DNAH8: variants seen among roughly 807,000 people sequenced by gnomAD.
DNAH8 encodes the protein dynein axonemal heavy chain 8, also known as axonemal beta dynein heavy chain 8.
A neutral mutation model predicts 562.1 loss-of-function variants in DNAH8; 382 were observed. The ratio of observed to expected loss-of-function variants is 0.68; its 90% CI spans 0.63 to 0.74. The LOEUF is 0.74. Ranked by LOEUF, DNAH8 falls within the 30% of genes least tolerant of loss-of-function variation. DNAH8 has a pLI of 0.00. For missense variants in DNAH8, 5,203 were observed against 5,620.4 expected, an observed-to-expected ratio of 0.93 and a Z score of 2.37; for synonymous variants, 1,881 against 1,919.4, an observed-to-expected ratio of 0.98 and a Z score of 0.52.
intron 88 of DNAH8, among the ~76,000 whole-genome samples, chr6:38,999,324 G>T (rs548174940): frequency 2.6e-5 from 4 of 152,050 alleles, no homozygotes; most frequent in African/African-American, 9.6e-5. Context: ...CTAGCCCCTG[G>T]TGCTGAGCAC....
chr6:38,716,209 C>T (rs1762332800), intron 1 of DNAH8, among the ~76,000 whole-genome samples: 2 of 151,406 alleles, frequency 1.3e-5, no homozygotes, highest in South Asian at 2.1e-4. Flanking sequence ...GATCCGCCCA[C>T]CTCGGCCTCC....
At chr6:38,837,024 C>T (rs1478532751) in intron 32 of DNAH8, among the ~76,000 whole-genome samples, 1 of 152,090 alleles carries the variant, frequency 6.6e-6, no homozygotes, top group Non-Finnish European at 1.5e-5. Flanking sequence ...TAGTCCCACT[C>T]TTCATAGTGA....
chr6:38,775,983 A>G, intron 13 of DNAH8, 32 bp downstream of exon 13: 1 of 1,413,028 alleles, frequency 7.1e-7, no homozygotes, highest in Non-Finnish European at 1.0e-6. Context: ...TACTTAGTAA[A>G]GCTGAAAAGT....
At chr6:38,791,029 A>T (rs1003799484) in intron 20 of DNAH8, among the ~76,000 whole-genome samples, 4 of 152,262 alleles carry the variant, frequency 2.6e-5, no homozygotes, top group African/African-American at 9.6e-5. Flanking sequence ...ATATTAATGT[A>T]TTTAATATTA....
At chr6:38,889,298 A>G (rs1779175556) in intron 57 of DNAH8, among the ~76,000 whole-genome samples, 1 of 152,232 alleles carries the variant, frequency 6.6e-6, no homozygotes, top group African/African-American at 2.4e-5. Flanking sequence ...ATTCCATTAA[A>G]CTGAATTTCA....
chr6:38,794,265 G>A (rs144712969), intron 21 of DNAH8, among the ~76,000 whole-genome samples: 12 of 151,698 alleles, frequency 7.9e-5, no homozygotes, highest in South Asian at 2.1e-4. Flanking sequence ...GGATGGGGTA[G>A]GTCTCATTTC....
At chr6:38,771,536 C>G (rs964693232) in intron 12 of DNAH8, among the ~76,000 whole-genome samples, 4 of 152,142 alleles carry the variant, frequency 2.6e-5, no homozygotes, top group Non-Finnish European at 4.4e-5. Flanking sequence ...TGTCCATTAT[C>G]AGTCACACCC....
chr6:38,826,416 T>G (rs758912645), intron 29 of DNAH8, 25 bp downstream of exon 29: 1 of 1,474,090 alleles, frequency 6.8e-7, no homozygotes, highest in Admixed American at 2.0e-5. Flanking sequence ...CATTTTTTTT[T>G]CTTGGAATGC....
At chr6:38,787,380 T>C (rs1049886071) in intron 18 of DNAH8, among the ~76,000 whole-genome samples, 3 of 152,120 alleles carry the variant, frequency 2.0e-5, no homozygotes, top group Non-Finnish European at 4.4e-5. Context: ...TAAAGTTCAC[T>C]AGTGCGGCAA....
At chr6:38,853,426 G>C (rs966857344) in intron 41 of DNAH8, 79 bp downstream of exon 41, 54 of 1,471,420 alleles carry the variant, frequency 3.7e-5, no homozygotes, top group Non-Finnish European at 4.6e-5. Context: ...TGGTTGACCT[G>C]ATGGTGTGAG....
chr6:38,841,052 GA>G (rs1774738193), intron 33 of DNAH8, among the ~76,000 whole-genome samples: 1 of 151,934 alleles, frequency 6.6e-6, no homozygotes, highest in African/African-American at 2.4e-5. Flanking sequence ...ATCAAGAATT[GA>G]AAAAATAGGA....
At chr6:38,923,622 A>G (rs1036519190) in intron 72 of DNAH8, 19 of 179,644 alleles carry the variant, frequency 1.1e-4, no homozygotes, top group Non-Finnish European at 1.7e-4. Context: ...AAATAAAAAT[A>G]AAAATAAAAA....
intron 21 of DNAH8, among the ~76,000 whole-genome samples, chr6:38,793,386 G>A (rs537963257): frequency 1.4e-5 from 2 of 141,864 alleles, no homozygotes; most frequent in Non-Finnish European, 3.1e-5. Context: ...TCTGGATTGG[G>A]TGTTCCTCTA....
intron 31 of DNAH8, among the ~76,000 whole-genome samples, chr6:38,833,665 T>G (rs1774039654): frequency 6.6e-6 from 1 of 152,198 alleles, no homozygotes; most frequent in African/African-American, 2.4e-5. Flanking sequence ...ACTTTATAAA[T>G]GAAACCAATA....
At chr6:38,923,399 T>G (rs1370256420) in intron 72 of DNAH8, 1 of 466,016 alleles carries the variant, frequency 2.1e-6, no homozygotes, top group Non-Finnish European at 3.6e-6. Flanking sequence ...GTTTTCAGTA[T>G]GAGAGTGCTT....
chr6:38,929,814 G>A, intron 75 of DNAH8, 148 bp downstream of exon 75: 2 of 687,930 alleles, frequency 2.9e-6, no homozygotes, highest in South Asian at 3.1e-5. Flanking sequence ...TTTCCTTTAG[G>A]CAGTAGTATT....
In DNAH8 at chr6:38,881,596, C is replaced by T. The variant is rs760553216; in HGVS notation, c.7859-1314C>T. 1.1e-4 allele frequency among the ~76,000 whole-genome samples: 17 copies of T among 148,550 alleles called. No individual in the cohort carries two copies. The East Asian group carries it at 1.2e-3, about 10-fold the overall frequency. On this transcript the variant is annotated intron_variant, in intron 53 of 92. Coordinates refer to ENST00000327475, the MANE Select transcript of DNAH8 (RefSeq NM_001206927.2). ...ACGGAGTTTCGCTCTTTGTTGCCCA[C>T]GCTGGAGTGCAATGGCGCGATCTTG...
At chr6:38,946,676 G>A (rs1484507623) in intron 80 of DNAH8, among the ~76,000 whole-genome samples, 1 of 152,162 alleles carries the variant, frequency 6.6e-6, no homozygotes, top group African/African-American at 2.4e-5. Flanking sequence ...TGGGTGTGGT[G>A]GCGGGTGCCT....
intron 11 of DNAH8, among the ~76,000 whole-genome samples, chr6:38,767,437 C>T (rs1222088901): frequency 4.4e-5 from 3 of 68,660 alleles, no homozygotes; most frequent in Non-Finnish European, 9.7e-5. Context: ...AACTCCATCT[C>T]AGGAAAAAAA....
Sources: allele counts gnomAD v4.1 joint callset (sites outside exome capture counted in the v4.1 genomes callset), GRCh38; gene constraint gnomAD v4.1.1; transcripts MANE v1.5; gene names NCBI Gene and HGNC (gene_info 2026-07-23, HGNC 2026-07-21).